ABCC1: variants seen among roughly 807,000 people sequenced by gnomAD.
ABCC1 encodes the protein ATP binding cassette subfamily C member 1 (ABCC1 blood group).
A neutral mutation model predicts 172.9 loss-of-function variants in ABCC1; 83 were observed. The observed-to-expected ratio is 0.48, with a 90% CI of 0.40 to 0.58. ABCC1 has a LOEUF of 0.58. ABCC1 is among the 20% of genes least tolerant of loss of function. The probability of loss-of-function intolerance (pLI) is 0.00; values close to 1 mark genes in which losing one functional copy is unlikely to be tolerated. For missense variants in ABCC1, 1,817 were observed against 2,002.7 expected (o/e 0.91, Z 1.77); for synonymous variants, 937 against 825.2 (o/e 1.14, Z -2.32).
In ABCC1 at chr16:16,043,814, C is replaced by T. The variant is rs182538604; in HGVS notation, c.810-636C>T. 1.9e-4 allele frequency among the ~76,000 whole-genome samples: 29 copies of T among 152,062 alleles called. No homozygotes were observed. The East Asian group carries it at 5.6e-3, about 29-fold the overall frequency. On this transcript the variant is annotated intron_variant, in intron 7 of 30. Transcript: ENST00000399410. ...ATGGGGTTTCACTATGTTGGTCAGGCTGGTCTCAAACTCCTGACCCCAAGT... is the reference window on the plus strand; with the variant it reads ...ATGGGGTTTCACTATGTTGGTCAGGTTGGTCTCAAACTCCTGACCCCAAGT...
chr16:16,029,732 T>C (rs2048498380), intron 5 of ABCC1, among the ~76,000 whole-genome samples: 1 of 152,248 alleles, frequency 6.6e-6, no homozygotes, highest in African/African-American at 2.4e-5. Flanking sequence ...CTGTAACTGT[T>C]GGGCTGCATG....
intron 26 of ABCC1, among the ~76,000 whole-genome samples, chr16:16,129,102 T>A (rs1567437164): frequency 6.6e-6 from 1 of 152,174 alleles, no homozygotes; most frequent in Non-Finnish European, 1.5e-5. Flanking sequence ...CGGGTGAATT[T>A]CCCCCAAAAC....
At chr16:16,113,174 C>T (rs574947344) in intron 22 of ABCC1, among the ~76,000 whole-genome samples, 6 of 152,190 alleles carry the variant, frequency 3.9e-5, no homozygotes, top group Non-Finnish European at 8.8e-5. Context: ...GTCTCTCAAT[C>T]CCTCCCCTCC....
At chr16:16,041,168 G>T (rs1362382084) in intron 7 of ABCC1, among the ~76,000 whole-genome samples, 1 of 149,648 alleles carries the variant, frequency 6.7e-6, no homozygotes, top group Non-Finnish European at 1.5e-5. Flanking sequence ...CTGAGCTCAA[G>T]CAGTCCACCT....
intron 1 of ABCC1, among the ~76,000 whole-genome samples, chr16:15,978,529 T>A (rs2046545336): frequency 6.6e-6 from 1 of 152,212 alleles, no homozygotes; most frequent in African/African-American, 2.4e-5. Context: ...GCTTTTAAAA[T>A]CTTTTGTAAT....
intron 12 of ABCC1, 130 bp from the exon 13 acceptor site, chr16:16,068,026 G>A (rs759388821): frequency 4.7e-4 from 461 of 986,716 alleles, no homozygotes; most frequent in Middle Eastern, 2.1e-3. Context: ...GTTTTTCCAC[G>A]AGCTCCAGCA....
Position 16,048,264 on chromosome 16 carries a change from C to G in ABCC1, c.1341C>G (p.Ala447=). The G allele has an allele frequency of 6.2e-7, 1 of 1,614,128 alleles. No individual in the cohort carries two copies. The change falls in exon 10 of 31, where the codon GCC becomes GCG. Residue 447 remains alanine, a synonymous_variant. Coordinates refer to ENST00000399410, the MANE Select transcript of ABCC1 (RefSeq NM_004996.4). The part of the protein sequence containing the change: ...LATYINMIWS[A]PLQVILALYL... ...CGTACATTAACATGATCTGGTCAGC[C>G]CCCCTGCAAGTCATCCTTGCTCTCT...
chr16:16,085,896 C>T (rs1032994158), intron 17 of ABCC1, among the ~76,000 whole-genome samples: 7 of 152,152 alleles, frequency 4.6e-5, no homozygotes, highest in South Asian at 2.1e-4. Context: ...AATAGGGAAA[C>T]GACGTTGGCT....
At chr16:16,136,786 C>A in intron 29 of ABCC1, 142 bp downstream of exon 29, 1 of 988,792 alleles carries the variant, frequency 1.0e-6, no homozygotes, top group Non-Finnish European at 1.5e-6. Context: ...CTTGGAGCCT[C>A]AGTTTCTGTA....
intron 17 of ABCC1, among the ~76,000 whole-genome samples, chr16:16,085,792 G>C (rs1338810218): frequency 6.6e-6 from 1 of 152,196 alleles, no homozygotes; most frequent in Non-Finnish European, 1.5e-5. Flanking sequence ...AAAACAAAAA[G>C]AAGGCACGTG....
At chr16:15,974,584 T>C (rs565391638) in intron 1 of ABCC1, among the ~76,000 whole-genome samples, 8 of 152,294 alleles carry the variant, frequency 5.3e-5, no homozygotes, top group East Asian at 3.9e-4. Context: ...GCTGTTGATA[T>C]GGACATGCTG....
chr16:16,126,864 C>G (rs1049181484), intron 26 of ABCC1, among the ~76,000 whole-genome samples: 5 of 152,170 alleles, frequency 3.3e-5, no homozygotes, highest in African/African-American at 1.2e-4. Context: ...TAGCTGGGAA[C>G]TGACCAAAGT....
rs2046445013 is a variant in ABCC1, at chr16:15,974,708, A to C, written c.48+24909A>C. Among the ~76,000 whole-genome samples the C allele has an allele frequency of 2.0e-5, 3 of 152,212 alleles. No individual in the cohort carries two copies. In the South Asian group the frequency reaches 6.2e-4, roughly 32 times the overall value. ...ACAGGATGGGCTAATCGAGAGACAC[A>C]GACAAATATCAAAGATAGCAAAATA... On this transcript the variant is annotated intron_variant, in intron 1 of 30. Coordinates refer to ENST00000399410, the MANE Select transcript of ABCC1 (RefSeq NM_004996.4).
chr16:16,067,805 A>G (rs947410014), intron 12 of ABCC1, among the ~76,000 whole-genome samples: 1 of 152,030 alleles, frequency 6.6e-6, no homozygotes, highest in Non-Finnish European at 1.5e-5. Flanking sequence ...CCTGGATGGA[A>G]GATGGTTTCA....
At chr16:16,119,932 G>A (rs762606286) in intron 23 of ABCC1, among the ~76,000 whole-genome samples, 37 of 152,138 alleles carry the variant, frequency 2.4e-4, no homozygotes, top group Non-Finnish European at 4.9e-4. Flanking sequence ...CATGGGAGGC[G>A]GTGGGAACAG....
intron 20 of ABCC1, among the ~76,000 whole-genome samples, chr16:16,104,096 G>A (rs150941081): frequency 2.2e-4 from 33 of 152,278 alleles, no homozygotes; most frequent in Admixed American, 2.2e-3. Flanking sequence ...CTTCAGGAGT[G>A]AAGCTGTAGA....
chr16:16,058,162 C>T (rs566614081), intron 12 of ABCC1, among the ~76,000 whole-genome samples: 16 of 152,180 alleles, frequency 1.1e-4, no homozygotes, highest in African/African-American at 3.6e-4. Context: ...GTGCAACTTA[C>T]AATTTGCAAA....
Position 16,007,792 on chromosome 16 carries a change from C to A in ABCC1, c.49-24C>A. Reference sequence around the variant, plus strand: ...TCCTCTGGGGTGTGTCCTGCTGACCCCTCGCCTGTGTTTGTGTTCGCAGGA... The same window carrying A: ...TCCTCTGGGGTGTGTCCTGCTGACCACTCGCCTGTGTTTGTGTTCGCAGGA... On this transcript the variant is annotated intron_variant, in intron 1 of 30. Transcript: ENST00000399410. 1.9e-6 allele frequency: 3 copies of A among 1,596,956 alleles called. No homozygotes were observed. In the South Asian group the frequency reaches 3.4e-5, roughly 18 times the overall value.
At chr16:15,979,019 G>A (rs1196479631) in intron 1 of ABCC1, among the ~76,000 whole-genome samples, 3 of 152,018 alleles carry the variant, frequency 2.0e-5, no homozygotes, top group African/African-American at 7.3e-5. Flanking sequence ...TTGGCCAGGC[G>A]TGGTGGCTCA....
Sources: allele counts gnomAD v4.1 joint callset (sites outside exome capture counted in the v4.1 genomes callset), GRCh38; gene constraint gnomAD v4.1.1; transcripts MANE v1.5; gene names NCBI Gene and HGNC (gene_info 2026-07-23, HGNC 2026-07-21).